The following ATP13A4 variants were observed in gnomAD, a reference collection of about 807,000 sequenced individuals.
ATP13A4 encodes the protein probable cation-transporting ATPase 13A4.
A neutral mutation model predicts 142.5 loss-of-function variants in ATP13A4; 114 were observed. That is an observed-to-expected ratio of 0.80 (90% CI 0.69 to 0.93). ATP13A4 has a LOEUF of 0.93. ATP13A4 is among the 40% of genes least tolerant of loss of function. The probability of loss-of-function intolerance (pLI) is 0.00; values close to 1 mark genes in which losing one functional copy is unlikely to be tolerated. For missense variants in ATP13A4, 1,392 were observed against 1,454.0 expected (o/e 0.96, Z 0.69); for synonymous variants, 488 against 514.8 (o/e 0.95, Z 0.70).
chr3:193,420,955 T>C (rs1715374182), intron 25 of ATP13A4, among the ~76,000 whole-genome samples: 1 of 149,662 alleles, frequency 6.7e-6, no homozygotes, highest in East Asian at 2.1e-4. Flanking sequence ...CATTATGGGA[T>C]TGCCAGATGG....
At chr3:193,469,563 G>A (rs954604732) in intron 9 of ATP13A4, among the ~76,000 whole-genome samples, 7 of 152,236 alleles carry the variant, frequency 4.6e-5, no homozygotes, top group African/African-American at 1.7e-4. Flanking sequence ...GGGAGGCAGA[G>A]ATTGCAGTGA....
intron 2 of ATP13A4, among the ~76,000 whole-genome samples, chr3:193,570,250 C>T (rs1724230505): frequency 1.3e-5 from 2 of 152,138 alleles, no homozygotes; most frequent in African/African-American, 4.8e-5. Flanking sequence ...GAGGTCGAGG[C>T]TGCAGTGAGC....
At chr3:193,444,602 T>A (rs751513974) in intron 18 of ATP13A4, among the ~76,000 whole-genome samples, 1 of 152,224 alleles carries the variant, frequency 6.6e-6, no homozygotes, top group Non-Finnish European at 1.5e-5. Context: ...AAGTAAAGAC[T>A]ATCACATCAT....
At position 193,539,332 on chromosome 3, in the gene ATP13A4, T is replaced by A. The variant is rs189104647; in HGVS notation, c.60+15408A>T. 2.9e-4 allele frequency among the ~76,000 whole-genome samples: 44 copies of A among 152,302 alleles called. 1 individual carries two copies. In the East Asian group the frequency reaches 4.1e-3, roughly 14 times the overall value. The stretch of plus-strand genomic sequence containing the variant: ...CCATCTTGAAGCAAAACCATCACAA[T>A]GGCCAATGTTTGACTCCTATCTACC... On this transcript the variant is annotated intron_variant, in intron 1 of 29. Transcript: ENST00000342695.
At chr3:193,449,801 C>G (rs1056341822) in intron 17 of ATP13A4, among the ~76,000 whole-genome samples, 2 of 152,140 alleles carry the variant, frequency 1.3e-5, no homozygotes, top group African/African-American at 4.8e-5. Context: ...TACCACGTCC[C>G]CCACAAAGGC....
intron 17 of ATP13A4, among the ~76,000 whole-genome samples, chr3:193,448,829 C>T (rs145630502): frequency 6.6e-6 from 1 of 152,140 alleles, no homozygotes; most frequent in Non-Finnish European, 1.5e-5. Flanking sequence ...AGAGAGTGTT[C>T]ATTAAGCAAA....
intron 25 of ATP13A4, among the ~76,000 whole-genome samples, chr3:193,427,343 G>A (rs1715720338): frequency 6.6e-6 from 1 of 152,094 alleles, no homozygotes; most frequent in African/African-American, 2.4e-5. Context: ...TCATGGATAG[G>A]AAGAATCAAT....
At chr3:193,442,247 A>G (rs1477621996) in intron 19 of ATP13A4, 146 bp downstream of exon 19, 5 of 822,882 alleles carry the variant, frequency 6.1e-6, no homozygotes, top group Non-Finnish European at 9.9e-6. Flanking sequence ...TATGAAAAGT[A>G]TGGAAAAACC....
At chr3:193,474,322 C>CAAA (rs1176133187) in intron 8 of ATP13A4, among the ~76,000 whole-genome samples, 112 of 69,046 alleles carry the variant, frequency 1.6e-3, no homozygotes, top group African/African-American at 2.4e-3. Flanking sequence ...GACTCCGTCT[C>CAAA]AAAAAAAAAA....
At chr3:193,425,236 A>T (rs1043245416) in intron 25 of ATP13A4, among the ~76,000 whole-genome samples, 3 of 151,822 alleles carry the variant, frequency 2.0e-5, no homozygotes, top group African/African-American at 7.2e-5. Context: ...ATGTAAAGAA[A>T]AGAGAACACT....
At chr3:193,407,269 C>G in intron 29 of ATP13A4, 44 bp downstream of exon 29, 1 of 1,527,016 alleles carries the variant, frequency 6.5e-7, no homozygotes, top group Non-Finnish European at 9.1e-7. Flanking sequence ...TACACACATG[C>G]GTGCACACAC....
chr3:193,554,753 TCTC>T lies in ATP13A4; in HGVS notation c.44_46del (p.Gly15del). 6.2e-7 allele frequency: 1 copy of T among 1,613,662 alleles called. No individual in the cohort carries two copies. The highest frequency in any genetic ancestry group is 8.5e-7 in the Non-Finnish European group (1 of 1,179,786). ...CTAGAATCTTACCATCTCATTCTCT[TCTC>T]CTTCATTGAGCAGAGCGTGCTGGCC... On this transcript the variant is annotated inframe_deletion, in exon 1 of 30. Coordinates refer to ENST00000342695, the MANE Select transcript of ATP13A4 (RefSeq NM_032279.4).
At chr3:193,478,455 A>T (rs1560217349) in intron 8 of ATP13A4, among the ~76,000 whole-genome samples, 1 of 152,044 alleles carries the variant, frequency 6.6e-6, no homozygotes, top group South Asian at 2.1e-4. Context: ...TACAACTGAT[A>T]ACACAGAAAC....
intron 29 of ATP13A4, among the ~76,000 whole-genome samples, chr3:193,406,030 TC>T (rs1714474823): frequency 6.6e-6 from 1 of 152,174 alleles, no homozygotes; most frequent in Non-Finnish European, 1.5e-5. Context: ...ATATTGCTTC[TC>T]AAAGTGTGAT....
At chr3:193,547,855 G>A (rs768024110) in intron 1 of ATP13A4, among the ~76,000 whole-genome samples, 4 of 152,264 alleles carry the variant, frequency 2.6e-5, no homozygotes, top group African/African-American at 4.8e-5. Flanking sequence ...GGGACACCTC[G>A]TTTTCACTTT....
In ATP13A4 at chr3:193,403,818, A is replaced by G. The variant is rs957899205; in HGVS notation, c.3379-954T>C. 1.8e-5 allele frequency: 18 copies of G among 984,884 alleles called. No homozygotes were observed. In the African/African-American group the frequency reaches 3.1e-4, roughly 17 times the overall value. 61.0% of individuals were successfully genotyped at this position (984,884 alleles called of 1,614,324 possible). ...ATTGTGAAAGAAACAAAGAAAAAAT[A>G]TGGGACGTGAAACTGTCCCACAGAA... On this transcript the variant is annotated intron_variant, in intron 29 of 29. Transcript: ENST00000342695.
intron 3 of ATP13A4, among the ~76,000 whole-genome samples, chr3:193,498,597 T>C (rs1720372957): frequency 6.6e-6 from 1 of 152,226 alleles, no homozygotes; most frequent in South Asian, 2.1e-4. Flanking sequence ...GACTGCTGTC[T>C]GGCCCCACCC....
chr3:193,570,664 T>G (rs529679985), intron 2 of ATP13A4, among the ~76,000 whole-genome samples: 1 of 152,288 alleles, frequency 6.6e-6, no homozygotes, highest in African/African-American at 2.4e-5. Flanking sequence ...CCTCTTAGCA[T>G]ATCCTATTCT....
At chr3:193,582,063 T>C (rs1275701092) in intron 1 of ATP13A4, among the ~76,000 whole-genome samples, 1 of 149,242 alleles carries the variant, frequency 6.7e-6, no homozygotes, top group Non-Finnish European at 1.5e-5. Context: ...AATTAATTAC[T>C]AAAATACCTG....
Sources: gnomAD v4.1 joint callset for allele counts (sites outside exome capture counted in the v4.1 genomes callset) on GRCh38, gnomAD v4.1.1 for gene constraint, MANE v1.5 for transcripts, NCBI Gene and HGNC (gene_info 2026-07-23, HGNC 2026-07-21) for gene names.